SRSF9: variants seen among roughly 807,000 people sequenced by gnomAD.
SRSF9 encodes the protein serine/arginine-rich splicing factor 9.
Under a neutral mutation model 25.9 loss-of-function variants are expected in SRSF9, and 3 were observed. The observed-to-expected ratio is 0.12, with a 90% CI of 0.05 to 0.30. SRSF9 has a LOEUF of 0.30. Ranked by LOEUF, SRSF9 falls within the 10% of genes least tolerant of loss-of-function variation. The probability of loss-of-function intolerance (pLI) is 1.00; values close to 1 mark genes in which losing one functional copy is unlikely to be tolerated. For synonymous variants in SRSF9, 114 were observed against 113.2 expected, an observed-to-expected ratio of 1.01 and a Z score of -0.05; for missense variants, 161 against 303.5, an observed-to-expected ratio of 0.53 and a Z score of 3.49.
intron 1 of SRSF9, among the ~76,000 whole-genome samples, chr12:120,466,255 T>C (rs958888624): frequency 2.6e-5 from 4 of 152,178 alleles, no homozygotes; most frequent in African/African-American, 9.7e-5. Context: ...GTTGCACGCC[T>C]GTAGTCCCAG....
intron 1 of SRSF9, among the ~76,000 whole-genome samples, chr12:120,467,486 G>A (rs1219081746): frequency 1.3e-5 from 2 of 152,070 alleles, no homozygotes; most frequent in Non-Finnish European, 2.9e-5. Flanking sequence ...GCACGACAGA[G>A]CCAGACTCCA....
At chr12:120,468,366 T>C (rs1384807671) in intron 1 of SRSF9, among the ~76,000 whole-genome samples, 1 of 152,196 alleles carries the variant, frequency 6.6e-6, no homozygotes, top group African/African-American at 2.4e-5. Flanking sequence ...GCACGGTTAC[T>C]AAATAAGCGA....
chr12:120,465,868 A>G, intron 1 of SRSF9, 81 bp from the exon 2 acceptor site: 1 of 1,364,808 alleles, frequency 7.3e-7, no homozygotes. Context: ...AGTGAGGGGC[A>G]TGAGTAGTAA....
At chr12:120,464,207 C>T in intron 2 of SRSF9, 85 bp from the exon 3 acceptor site, 1 of 1,442,964 alleles carries the variant, frequency 6.9e-7, no homozygotes, top group Non-Finnish European at 9.3e-7. Context: ...ATGGTCCTTT[C>T]TCCATGATCA....
rs1177711284 is a variant in SRSF9, at chr12:120,465,848, T to C, written c.189-61A>G. On this transcript the variant is annotated intron_variant, in intron 1 of 3. Coordinates refer to ENST00000229390, the MANE Select transcript of SRSF9 (RefSeq NM_003769.3). ...AGTTAGTGCTGTTCAGGAGGCCAAGTGACTTTCCAAGTGAGGGGCATGAGT... is the reference window on the plus strand; with the variant it reads ...AGTTAGTGCTGTTCAGGAGGCCAAGCGACTTTCCAAGTGAGGGGCATGAGT... The C allele has an allele frequency of 4.0e-5, 61 of 1,509,918 alleles. No individual in the cohort carries two copies. The East Asian group carries it at 1.5e-3, about 36-fold the overall frequency. The allele number at this position is 1,509,918 out of a possible 1,614,324, so 93.5% of individuals were successfully genotyped here. A position where few individuals can be genotyped will look rare whatever the true frequency, so the allele number is the denominator to read the frequency against.
chr12:120,469,334 G>A (rs1347753946), intron 1 of SRSF9, 88 bp downstream of exon 1: 3 of 928,176 alleles, frequency 3.2e-6, no homozygotes, highest in South Asian at 3.7e-5. Flanking sequence ...GGGAGGCCGG[G>A]GGGAGGGGAG....
intron 1 of SRSF9, among the ~76,000 whole-genome samples, chr12:120,468,410 C>T (rs1052275013): frequency 6.6e-6 from 1 of 152,166 alleles, no homozygotes; most frequent in African/African-American, 2.4e-5. Flanking sequence ...GGTAAAAATG[C>T]CCAGTTCCGG....
chr12:120,469,678 C>T lies in SRSF9; in HGVS notation c.-69G>A, dbSNP rs915111887. 907 of 1,039,388 alleles carry T rather than the reference C, an allele frequency of 8.7e-4. 1 individual carries two copies. The highest frequency in any genetic ancestry group is 1.0e-3 in the Non-Finnish European group (848 of 823,332). The allele number at this position is 1,039,388 out of a possible 1,614,324, so 64.4% of individuals were successfully genotyped here. On this transcript the variant is annotated 5_prime_UTR_variant, in exon 1 of 4. Coordinates refer to ENST00000229390, the MANE Select transcript of SRSF9 (RefSeq NM_003769.3). ...GCCGCCGCCTCAGCACGGGTCCCCCCGCAGCGTCCCCGCGGGCTCCGAGGC... is the reference window on the plus strand; with the variant it reads ...GCCGCCGCCTCAGCACGGGTCCCCCTGCAGCGTCCCCGCGGGCTCCGAGGC...
chr12:120,468,500 G>C (rs906930839), intron 1 of SRSF9, among the ~76,000 whole-genome samples: 1 of 152,186 alleles, frequency 6.6e-6, no homozygotes, highest in Non-Finnish European at 1.5e-5. Context: ...GGTGCTTCCT[G>C]CCTGCCCTTC....
At chr12:120,463,211 T>A (rs957139058) in intron 3 of SRSF9, 6 of 152,160 alleles carry the variant, frequency 3.9e-5, no homozygotes, top group Non-Finnish European at 1.5e-5. Context: ...GCAGCTGCTT[T>A]CCTACAAGGA....
intron 3 of SRSF9, chr12:120,463,569 G>A: frequency 6.1e-6 from 1 of 162,942 alleles, no homozygotes; most frequent in South Asian, 1.8e-4. Context: ...GACCTGTAGA[G>A]CTCAGCCTGG....
intron 3 of SRSF9, 44 bp from the exon 4 acceptor site, chr12:120,462,206 C>G (rs1159767993): frequency 1.3e-6 from 2 of 1,564,192 alleles, no homozygotes; most frequent in Non-Finnish European, 8.7e-7. Context: ...GGAAAAAAAT[C>G]AGAGCCAGAA....
At chr12:120,462,523 C>A in intron 3 of SRSF9, 1 of 173,210 alleles carries the variant, frequency 5.8e-6, no homozygotes, top group African/African-American at 2.4e-5. Context: ...ATAGTTTAAT[C>A]CCCTGCCACC....
chr12:120,464,900 G>A (rs1878449153), intron 2 of SRSF9: 1 of 152,092 alleles, frequency 6.6e-6, no homozygotes, highest in Non-Finnish European at 1.5e-5. Context: ...AGAGTTCTGG[G>A]GTTAAAAAAT....
At position 120,469,596 on chromosome 12, in the gene SRSF9, G is replaced by A. The variant is rs375455136; in HGVS notation, c.14C>T (p.Ala5Val). The change falls in exon 1 of 4, where the codon GCG becomes GTG. Residue 5 changes from alanine to valine, a missense_variant. Ala to Val is a moderately conservative substitution (Grantham distance 64). This residue lies in a region of SRSF9 where 99 missense variants were observed against 156.7 expected (regional missense o/e 0.63). Transcript: ENST00000229390. The part of the protein sequence containing the change: MSGW[A>V]DERGGEGDGR... ...GTCGCCCTCGCCGCCGCGCTCGTCC[G>A]CCCAGCCCGACATCCGCACCGCCCG... The A allele has an allele frequency of 8.6e-6, 13 of 1,511,570 alleles. No homozygotes were observed. In the African/African-American group the frequency reaches 1.6e-4, roughly 18 times the overall value. The allele number at this position is 1,511,570 out of a possible 1,614,324, so 93.6% of individuals were successfully genotyped here.
In SRSF9 at chr12:120,469,572, T is replaced by TCGCCCTCGCCGC. The variant is rs1197358950; in HGVS notation, c.26_37dup (p.Gly9_Gly12dup). On this transcript the variant is annotated inframe_insertion, in exon 1 of 4. Transcript: ENST00000229390. Reference sequence around the variant, plus strand: ...AAGGTTCCCCACGTAGATGCGCCCGTCGCCCTCGCCGCCGCGCTCGTCCGC... The same window carrying TCGCCCTCGCCGC: ...AAGGTTCCCCACGTAGATGCGCCCGTCGCCCTCGCCGCCGCCCTCGCCGCCGCGCTCGTCCGC... The TCGCCCTCGCCGC allele has an allele frequency of 6.4e-7, 1 of 1,558,552 alleles. No individual in the cohort carries two copies. Among genetic ancestry groups the TCGCCCTCGCCGC allele is most frequent in the Non-Finnish European group, 8.6e-7 (1 of 1,156,406 alleles).
At chr12:120,469,358 G>A (rs917902619) in intron 1 of SRSF9, 64 bp downstream of exon 1, 4 of 1,300,948 alleles carry the variant, frequency 3.1e-6, no homozygotes, top group East Asian at 2.9e-5. Flanking sequence ...TGGGGGAGGG[G>A]ACAGCAGGGA....
intron 1 of SRSF9, 67 bp from the exon 2 acceptor site, chr12:120,465,854 T>C (rs1878471380): frequency 3.4e-6 from 5 of 1,473,962 alleles, no homozygotes; most frequent in African/African-American, 1.4e-5. Flanking sequence ...CAAGTGACTT[T>C]CCAAGTGAGG....
chr12:120,465,957 G>A (rs1321413510), intron 1 of SRSF9, among the ~76,000 whole-genome samples, 170 bp from the exon 2 acceptor site: 1 of 152,094 alleles, frequency 6.6e-6, no homozygotes, highest in Non-Finnish European at 1.5e-5. Context: ...GTTTGGAGAC[G>A]TTTCATGATA....
Sources: gnomAD v4.1 joint callset for allele counts (sites outside exome capture counted in the v4.1 genomes callset) on GRCh38, gnomAD v4.1.1 for gene constraint, gnomAD v4.1.1 regional missense constraint, MANE v1.5 for transcripts, NCBI Gene and HGNC (gene_info 2026-07-23, HGNC 2026-07-21) for gene names.